The following EFNA5 variants were observed in gnomAD, a reference collection of about 807,000 sequenced individuals.
EFNA5 encodes ephrin A5.
Under a neutral mutation model 22.9 loss-of-function variants are expected in EFNA5, and 5 were observed. The observed-to-expected ratio is 0.22, with a 90% confidence interval of 0.11 to 0.46. The LOEUF is 0.46. Ranked by LOEUF, EFNA5 falls within the 20% of genes least tolerant of loss-of-function variation. The pLI, the probability that EFNA5 is intolerant of heterozygous loss-of-function variation, is 0.99. For missense variants in EFNA5, 237 were observed against 293.3 expected, an observed-to-expected ratio of 0.81 and a Z score of 1.40; for synonymous variants, 113 against 112.2, an observed-to-expected ratio of 1.01 and a Z score of -0.04.
intron 2 of EFNA5, among the ~76,000 whole-genome samples, chr5:107,388,133 C>A (rs888096162): frequency 6.6e-6 from 1 of 152,158 alleles, no homozygotes; most frequent in African/African-American, 2.4e-5. Context: ...TTTCACAGAG[C>A]CGCTCCTCCT....
chr5:107,453,731 G>A (rs541314544), intron 1 of EFNA5, among the ~76,000 whole-genome samples: 4 of 152,224 alleles, frequency 2.6e-5, no homozygotes, highest in African/African-American at 4.8e-5. Context: ...ATGAAAGGAA[G>A]ACCTTAGCAG....
chr5:107,472,974 A>G (rs1406015982), intron 1 of EFNA5, among the ~76,000 whole-genome samples: 1 of 152,176 alleles, frequency 6.6e-6, no homozygotes, highest in African/African-American at 2.4e-5. Flanking sequence ...TCAACACTGT[A>G]AATGGAGCCC....
At chr5:107,660,281 T>TAC (rs1561462892) in intron 1 of EFNA5, among the ~76,000 whole-genome samples, 3 of 55,612 alleles carry the variant, frequency 5.4e-5, no homozygotes, top group Middle Eastern at 6.6e-3. Flanking sequence ...TATATATATA[T>TAC]ATATATATAT....
At chr5:107,569,070 C>T (rs561731550) in intron 1 of EFNA5, among the ~76,000 whole-genome samples, 1 of 152,060 alleles carries the variant, frequency 6.6e-6, no homozygotes, top group African/African-American at 2.4e-5. Context: ...CAAAGATACG[C>T]ATAGTTAAAT....
At chr5:107,412,222 G>A (rs576532955) in intron 2 of EFNA5, among the ~76,000 whole-genome samples, 10 of 152,122 alleles carry the variant, frequency 6.6e-5, no homozygotes, top group East Asian at 3.9e-4. Flanking sequence ...TTGTGTCTCC[G>A]TGGTGTAATT....
At chr5:107,385,504 T>G (rs1268999473) in intron 4 of EFNA5, among the ~76,000 whole-genome samples, 1 of 152,186 alleles carries the variant, frequency 6.6e-6, no homozygotes, top group East Asian at 1.9e-4. Context: ...CGTGGCTTCT[T>G]AACAAAGACA....
chr5:107,573,852 G>A (rs2112488952), intron 1 of EFNA5, among the ~76,000 whole-genome samples: 1 of 152,300 alleles, frequency 6.6e-6, no homozygotes, highest in East Asian at 1.9e-4. Flanking sequence ...CTTCTGCTGT[G>A]AATAGAGCTG....
At chr5:107,591,448 G>A (rs1318719592) in intron 1 of EFNA5, among the ~76,000 whole-genome samples, 1 of 151,976 alleles carries the variant, frequency 6.6e-6, no homozygotes, top group Admixed American at 6.6e-5. Context: ...CTTCCTTTGT[G>A]TTACCTGCTT....
At chr5:107,628,378 T>C (rs1245607125) in intron 1 of EFNA5, among the ~76,000 whole-genome samples, 1 of 152,178 alleles carries the variant, frequency 6.6e-6, no homozygotes, top group African/African-American at 2.4e-5. Flanking sequence ...AGACAGTTCC[T>C]GTTAGACATA....
At chr5:107,639,463 G>A (rs1228115254) in intron 1 of EFNA5, among the ~76,000 whole-genome samples, 4 of 152,190 alleles carry the variant, frequency 2.6e-5, no homozygotes, top group African/African-American at 9.7e-5. Flanking sequence ...ACTGCAAAAT[G>A]AAGATGGCAG....
intron 1 of EFNA5, among the ~76,000 whole-genome samples, chr5:107,553,464 G>A (rs1748342521): frequency 6.6e-6 from 1 of 152,136 alleles, no homozygotes; most frequent in East Asian, 1.9e-4. Context: ...GTCACGCCAG[G>A]GAAGGCAAAC....
At chr5:107,385,343 G>A (rs1269022553) in intron 4 of EFNA5, among the ~76,000 whole-genome samples, 2 of 152,070 alleles carry the variant, frequency 1.3e-5, no homozygotes, top group Non-Finnish European at 2.9e-5. Flanking sequence ...CAATCTGTTA[G>A]GTGTCTAAGC....
intron 1 of EFNA5, among the ~76,000 whole-genome samples, chr5:107,584,650 T>G (rs1749138683): frequency 6.6e-6 from 1 of 152,188 alleles, no homozygotes; most frequent in Non-Finnish European, 1.5e-5. Context: ...TTGTTTTCCT[T>G]CCCAGGTGAC....
At chr5:107,430,417 C>T (rs189600073) in intron 1 of EFNA5, among the ~76,000 whole-genome samples, 28 of 152,120 alleles carry the variant, frequency 1.8e-4, no homozygotes, top group Admixed American at 1.4e-3. Flanking sequence ...CCCTAAGTGT[C>T]ACTCATTTTA....
chr5:107,473,325 T>C (rs1440718184), intron 1 of EFNA5, among the ~76,000 whole-genome samples: 3 of 152,074 alleles, frequency 2.0e-5, no homozygotes, highest in African/African-American at 7.2e-5. Context: ...TCTTTAAATA[T>C]TTCTTTTATT....
chr5:107,639,499 T>A (rs1750457161), intron 1 of EFNA5, among the ~76,000 whole-genome samples: 1 of 152,208 alleles, frequency 6.6e-6, no homozygotes, highest in Non-Finnish European at 1.5e-5. Flanking sequence ...CATAGGGTCA[T>A]TAGGCAAATT....
chr5:107,457,738 A>G (rs1749731327), intron 1 of EFNA5, among the ~76,000 whole-genome samples: 1 of 152,172 alleles, frequency 6.6e-6, no homozygotes, highest in Non-Finnish European at 1.5e-5. Flanking sequence ...AGGAGAGAGA[A>G]TATGGGAATG....
chr5:107,649,871 T>C (rs1750695203), intron 1 of EFNA5, among the ~76,000 whole-genome samples: 1 of 152,126 alleles, frequency 6.6e-6, no homozygotes. Context: ...TTTCCATATA[T>C]AAATGAGAAA....
intron 1 of EFNA5, among the ~76,000 whole-genome samples, chr5:107,631,199 C>T (rs534612749): frequency 5.4e-4 from 82 of 151,580 alleles, no homozygotes; most frequent in African/African-American, 2.0e-3. Context: ...ATGGGGCCAC[C>T]ATTATAAATG....
Sources: allele counts gnomAD v4.1 joint callset (sites outside exome capture counted in the v4.1 genomes callset), GRCh38; gene constraint gnomAD v4.1.1; transcripts MANE v1.5; gene names NCBI Gene and HGNC (gene_info 2026-07-23, HGNC 2026-07-21).